GRM5: variants seen among roughly 807,000 people sequenced by gnomAD.
GRM5 encodes the protein metabotropic glutamate receptor 5.
A neutral mutation model predicts 83.1 loss-of-function variants in GRM5; 19 were observed. That is an observed-to-expected ratio of 0.23 (90% confidence interval 0.16 to 0.34). The LOEUF (loss-of-function observed/expected upper bound fraction) is 0.34. Ranked by LOEUF, GRM5 falls within the 10% of genes least tolerant of loss-of-function variation. The probability of loss-of-function intolerance (pLI) is 1.00; values close to 1 mark genes in which losing one functional copy is unlikely to be tolerated. For missense variants in GRM5, 1,160 were observed against 1,588.3 expected, an observed-to-expected ratio of 0.73 and a Z score of 4.58; for synonymous variants, 675 against 633.6, an observed-to-expected ratio of 1.07 and a Z score of -0.98.
chr11:88,940,307 G>A lies in GRM5; in HGVS notation c.662-90152C>T, dbSNP rs1352809314. Among the ~76,000 whole-genome samples, 11 of 148,706 alleles carry A rather than the reference G, an allele frequency of 7.4e-5. No homozygotes were observed. In the South Asian group the frequency reaches 1.0e-3, roughly 14 times the overall value. Reference sequence around the variant, plus strand: ...TCTCACATAGTGTGATCTCATCCCAGGTTCATGGTTTTTTTTTTTTTTGGA... The same window carrying A: ...TCTCACATAGTGTGATCTCATCCCAAGTTCATGGTTTTTTTTTTTTTTGGA... On this transcript the variant is annotated intron_variant, in intron 2 of 9. Coordinates refer to ENST00000305447, the MANE Select transcript of GRM5 (RefSeq NM_001143831.3).
At chr11:88,665,490 T>C (rs917145670) in intron 3 of GRM5, among the ~76,000 whole-genome samples, 2 of 152,178 alleles carry the variant, frequency 1.3e-5, no homozygotes, top group African/African-American at 4.8e-5. Flanking sequence ...TATTGTGAAC[T>C]TCTCACATTT....
At chr11:88,597,510 A>G (rs1937848662) in intron 5 of GRM5, among the ~76,000 whole-genome samples, 158 bp from the exon 6 acceptor site, 1 of 152,048 alleles carries the variant, frequency 6.6e-6, no homozygotes, top group African/African-American at 2.4e-5. Context: ...AAATCTGTCT[A>G]TTTTACTTTC....
chr11:88,848,309 C>T (rs889589388), intron 3 of GRM5, among the ~76,000 whole-genome samples: 1 of 152,132 alleles, frequency 6.6e-6, no homozygotes, highest in Admixed American at 6.5e-5. Flanking sequence ...ACCAAAATAG[C>T]CCCATCAATC....
intron 3 of GRM5, among the ~76,000 whole-genome samples, chr11:88,772,554 C>A (rs7949066): frequency 0.11 from 17,174 of 151,956 alleles, 2,133 homozygotes; most frequent in African/African-American, 0.31. Context: ...CACCCATCAA[C>A]TCATCATTTA....
chr11:88,547,616 A>G lies in GRM5; in HGVS notation c.2630+19437T>C, dbSNP rs112159814. Among the ~76,000 whole-genome samples the G allele has an allele frequency of 3.4e-3, 522 of 152,300 alleles. 5 individuals carry two copies. The highest frequency in any genetic ancestry group is 8.3e-3 in the African/African-American group (344 of 41,568). ...TAGATCACTTGAGAGTTGAAATTCT[A>G]TACCTGATTCCATCTTTTCAGACTG... is the stretch of plus-strand genomic sequence containing the variant. On this transcript the variant is annotated intron_variant, in intron 8 of 9. Coordinates refer to ENST00000305447, the MANE Select transcript of GRM5 (RefSeq NM_001143831.3).
At chr11:88,763,259 A>T (rs1942565930) in intron 3 of GRM5, among the ~76,000 whole-genome samples, 4 of 101,176 alleles carry the variant, frequency 4.0e-5, no homozygotes, top group Non-Finnish European at 8.0e-5. Flanking sequence ...TCTTTTATAC[A>T]TGAAATAGGC....
chr11:88,882,248 G>GTAAATAAATAAATGAA (rs1944966746), intron 2 of GRM5, among the ~76,000 whole-genome samples: 1 of 143,924 alleles, frequency 6.9e-6, no homozygotes, highest in South Asian at 2.2e-4. Flanking sequence ...AAATAAGTAA[G>GTAAATAAATAAATGAA]TAAATAAATA....
chr11:88,728,500 G>C (rs1027862278), intron 3 of GRM5, among the ~76,000 whole-genome samples: 2 of 152,144 alleles, frequency 1.3e-5, no homozygotes, highest in African/African-American at 4.8e-5. Flanking sequence ...TAGAAAAAGA[G>C]GGGCTCCTCC....
intron 2 of GRM5, among the ~76,000 whole-genome samples, chr11:88,922,621 C>A (rs931715271): frequency 6.6e-6 from 1 of 152,016 alleles, no homozygotes; most frequent in Non-Finnish European, 1.5e-5. Flanking sequence ...AGCTACAAAA[C>A]TACTAAAAGA....
chr11:88,991,301 A>T (rs1939959139), intron 2 of GRM5, among the ~76,000 whole-genome samples: 1 of 152,144 alleles, frequency 6.6e-6, no homozygotes, highest in Non-Finnish European at 1.5e-5. Flanking sequence ...AATCCAACTT[A>T]CAAGGGATGT....
intron 4 of GRM5, among the ~76,000 whole-genome samples, chr11:88,644,399 G>C (rs7125723): frequency 3.3e-5 from 5 of 152,180 alleles, no homozygotes; most frequent in Non-Finnish European, 7.4e-5. Context: ...CAAGGCATTG[G>C]GATAGGGATT....
At chr11:88,800,884 T>G (rs1459183802) in intron 3 of GRM5, among the ~76,000 whole-genome samples, 1 of 152,112 alleles carries the variant, frequency 6.6e-6, no homozygotes, top group Non-Finnish European at 1.5e-5. Flanking sequence ...AATAGCAAAT[T>G]ATTACGTGAA....
At chr11:88,692,470 C>T (rs1219957514) in intron 3 of GRM5, among the ~76,000 whole-genome samples, 2 of 151,984 alleles carry the variant, frequency 1.3e-5, no homozygotes, top group Non-Finnish European at 2.9e-5. Flanking sequence ...ACAATTCCAA[C>T]CCCCCCACAG....
At chr11:88,560,892 A>G (rs184063990) in intron 8 of GRM5, among the ~76,000 whole-genome samples, 14 of 152,316 alleles carry the variant, frequency 9.2e-5, no homozygotes, top group South Asian at 6.2e-4. Context: ...CAAGTGAAGA[A>G]AGGGAGAGTG....
chr11:88,600,526 T>A (rs1937954456), intron 5 of GRM5, among the ~76,000 whole-genome samples: 1 of 151,878 alleles, frequency 6.6e-6, no homozygotes, highest in Admixed American at 6.6e-5. Context: ...CTAAATAATT[T>A]TAAAAATAAA....
intron 2 of GRM5, among the ~76,000 whole-genome samples, chr11:88,955,651 A>C (rs1300569464): frequency 6.6e-6 from 1 of 152,176 alleles, no homozygotes; most frequent in African/African-American, 2.4e-5. Flanking sequence ...TCCCAAATGT[A>C]TCCTGAACTT....
chr11:88,837,646 A>G (rs894323864), intron 3 of GRM5, among the ~76,000 whole-genome samples: 10 of 152,194 alleles, frequency 6.6e-5, no homozygotes, highest in African/African-American at 9.7e-5. Flanking sequence ...GGTTGGTTTC[A>G]TCCTGGACAT....
chr11:88,978,474 TAA>T (rs200343438), intron 2 of GRM5, among the ~76,000 whole-genome samples: 28 of 97,948 alleles, frequency 2.9e-4, no homozygotes, highest in Non-Finnish European at 4.2e-4. Flanking sequence ...CAGATGAGCT[TAA>T]AAAAAAAAAA....
chr11:88,644,918 TGGTCACTATATTAGTGACCAAAG>T (rs1490637481), intron 4 of GRM5, among the ~76,000 whole-genome samples: 2 of 152,078 alleles, frequency 1.3e-5, no homozygotes, highest in Non-Finnish European at 1.5e-5. Context: ...AAATTTATTT[TGGTCACTATATTAGTGACCAAAG>T]GGTCACTTTT....
Sources: gnomAD v4.1 joint callset for allele counts (sites outside exome capture counted in the v4.1 genomes callset) on GRCh38, gnomAD v4.1.1 for gene constraint, MANE v1.5 for transcripts, NCBI Gene and HGNC (gene_info 2026-07-23, HGNC 2026-07-21) for gene names.